LINGO2: variants seen among roughly 807,000 people sequenced by gnomAD.
LINGO2 encodes the protein leucine-rich repeat and immunoglobulin-like domain-containing nogo receptor-interacting protein 2.
LINGO2 carries 14 observed loss-of-function variants against 30.6 expected under a neutral mutation model. That is an observed-to-expected ratio of 0.46 (90% CI 0.30 to 0.72). LINGO2 has a LOEUF of 0.72. Among genes scored for constraint, LINGO2 ranks in the 30% least tolerant of loss-of-function variants. LINGO2 has a pLI of 0.07. For missense variants in LINGO2, 729 were observed against 751.7 expected (o/e 0.97, Z 0.35); for synonymous variants, 317 against 288.5 (o/e 1.10, Z -1.00).
At chr9:29,037,219 T>A in the LINGO2 span, among the ~76,000 whole-genome samples, 11 of 151,932 alleles carry the variant, frequency 7.2e-5, no homozygotes, top group Non-Finnish European at 1.5e-4. Flanking sequence ...GCAGGAAGAC[T>A]TAATGATGAG....
chr9:27,938,939 A>T, the LINGO2 span: 1 of 152,188 alleles, frequency 6.6e-6, no homozygotes, highest in Non-Finnish European at 1.5e-5. Flanking sequence ...ACTTCTAATC[A>T]AGGATGAGAA....
At chr9:28,388,079 A>G (rs143963411) in intron 2 of LINGO2, among the ~76,000 whole-genome samples, 1,535 of 152,266 alleles carry the variant, frequency 0.01, 14 homozygotes, top group African/African-American at 0.034. Flanking sequence ...TAAAATAAAC[A>G]TAGTGCTTTA....
chr9:28,320,427 G>C (rs1824996649), intron 3 of LINGO2, among the ~76,000 whole-genome samples: 1 of 152,172 alleles, frequency 6.6e-6, no homozygotes. Context: ...TGATGCTGCA[G>C]TTAGCCGACA....
chr9:28,393,177 C>T (rs1821904199), intron 2 of LINGO2, among the ~76,000 whole-genome samples: 1 of 152,200 alleles, frequency 6.6e-6, no homozygotes, highest in Non-Finnish European at 1.5e-5. Context: ...TTATATCTGT[C>T]CTGTACCTAC....
At chr9:28,008,534 C>T (rs1208479425) in intron 5 of LINGO2, among the ~76,000 whole-genome samples, 2 of 151,198 alleles carry the variant, frequency 1.3e-5, no homozygotes, top group Non-Finnish European at 2.9e-5. Context: ...AAAAATCTCT[C>T]TTTGTTGATG....
chr9:29,030,291 G>A, the LINGO2 span, among the ~76,000 whole-genome samples: 3 of 150,814 alleles, frequency 2.0e-5, no homozygotes, highest in Non-Finnish European at 4.4e-5. Flanking sequence ...CCCCAATTAT[G>A]TAATTCATCA....
chr9:27,958,052 G>C (rs146506467), intron 5 of LINGO2, among the ~76,000 whole-genome samples: 2 of 152,142 alleles, frequency 1.3e-5, no homozygotes, highest in East Asian at 3.9e-4. Flanking sequence ...CAATTATTTG[G>C]TTTTTCACCA....
At chr9:28,644,545 G>A (rs1827745715) in intron 1 of LINGO2, among the ~76,000 whole-genome samples, 1 of 151,426 alleles carries the variant, frequency 6.6e-6, no homozygotes, top group African/African-American at 2.4e-5. Flanking sequence ...GTAGGGGGAG[G>A]GTAGTGAGGA....
At chr9:28,039,177 G>A (rs532850816) in intron 4 of LINGO2, among the ~76,000 whole-genome samples, 3 of 152,276 alleles carry the variant, frequency 2.0e-5, no homozygotes, top group South Asian at 2.1e-4. Context: ...TAAGTAGGCC[G>A]TGGGCATCTA....
intron 4 of LINGO2, among the ~76,000 whole-genome samples, chr9:28,179,130 G>A (rs576099537): frequency 1.3e-5 from 2 of 151,504 alleles, no homozygotes; most frequent in African/African-American, 2.4e-5. Flanking sequence ...CTTATTTAAA[G>A]TTCCTCCTAT....
chr9:28,711,135 T>C, the LINGO2 span, among the ~76,000 whole-genome samples: 1 of 152,146 alleles, frequency 6.6e-6, no homozygotes, highest in Non-Finnish European at 1.5e-5. Context: ...AAAAAATGTA[T>C]TTATTAAGTG....
At chr9:28,600,841 GA>G (rs1387870455) in intron 1 of LINGO2, among the ~76,000 whole-genome samples, 1 of 151,956 alleles carries the variant, frequency 6.6e-6, no homozygotes, top group Non-Finnish European at 1.5e-5. Flanking sequence ...TTTTTACCAT[GA>G]ATTTACACTC....
intron 5 of LINGO2, among the ~76,000 whole-genome samples, chr9:27,980,992 G>A (rs1820827375): frequency 1.3e-5 from 2 of 151,842 alleles, no homozygotes; most frequent in Non-Finnish European, 1.5e-5. Flanking sequence ...TAGGAGAGTT[G>A]ATCAATATTG....
intron 4 of LINGO2, among the ~76,000 whole-genome samples, chr9:28,258,804 A>G (rs1822466628): frequency 6.6e-6 from 1 of 150,968 alleles, no homozygotes; most frequent in Non-Finnish European, 1.5e-5. Context: ...ACCATACCAA[A>G]GTTTATACAA....
At chr9:27,996,001 A>T (rs1361656235) in intron 5 of LINGO2, among the ~76,000 whole-genome samples, 2 of 152,146 alleles carry the variant, frequency 1.3e-5, no homozygotes, top group East Asian at 1.9e-4. Flanking sequence ...AGAACTGATA[A>T]ATTAATTCAG....
chr9:28,079,070 T>A (rs529367258), intron 4 of LINGO2, among the ~76,000 whole-genome samples: 1 of 148,774 alleles, frequency 6.7e-6, no homozygotes, highest in Non-Finnish European at 1.5e-5. Flanking sequence ...ATTAAATTCT[T>A]TAAATTAAGA....
At chr9:28,862,781 G>C in the LINGO2 span, among the ~76,000 whole-genome samples, 14 of 151,842 alleles carry the variant, frequency 9.2e-5, no homozygotes, top group African/African-American at 3.4e-4. Flanking sequence ...CTCTAGCCTT[G>C]GAAATAAATA....
intron 1 of LINGO2, among the ~76,000 whole-genome samples, chr9:28,573,726 T>G (rs1177520030): frequency 6.6e-6 from 1 of 152,142 alleles, no homozygotes; most frequent in Non-Finnish European, 1.5e-5. Flanking sequence ...TTATTTGTTG[T>G]TCTCAAGAGT....
chr9:28,999,968 C>A, the LINGO2 span, among the ~76,000 whole-genome samples: 3 of 151,932 alleles, frequency 2.0e-5, no homozygotes, highest in Admixed American at 6.6e-5. Flanking sequence ...ATGTACTTCA[C>A]CCAACTCTCA....
Sources: allele counts gnomAD v4.1 joint callset (sites outside exome capture counted in the v4.1 genomes callset), GRCh38; gene constraint gnomAD v4.1.1; transcripts MANE v1.5; gene names NCBI Gene and HGNC (gene_info 2026-07-23, HGNC 2026-07-21).